The following EHBP1 variants were observed in gnomAD, a reference collection of about 807,000 sequenced individuals.
The protein encoded by EHBP1 is EH domain-binding protein 1.
EHBP1 carries 55 observed loss-of-function variants against 144.0 expected under a neutral mutation model. The observed-to-expected ratio is 0.38, with a 90% CI of 0.31 to 0.48. The LOEUF is 0.48. Among genes scored for constraint, EHBP1 ranks in the 20% least tolerant of loss-of-function variants. The pLI is 0.98. For synonymous variants in EHBP1, 469 were observed against 472.7 expected, an observed-to-expected ratio of 0.99 and a Z score of 0.10; for missense variants, 1,200 against 1,364.2, an observed-to-expected ratio of 0.88 and a Z score of 1.90.
Position 62,864,734 on chromosome 2 carries a change from C to T in EHBP1, c.761C>T (p.Pro254Leu). The stretch of plus-strand genomic sequence containing the variant: ...TTCATCTGCTATTATTTTATAGAAC[C>T]TATCACTGAAACAGCTTCACCTAGA... The part of the protein sequence containing the change: ...NPFGDPDSEE[P>L]ITETASPRKT... Residue 254 changes from proline (P) to leucine (L), a missense_variant, in exon 9 of 23, where the codon CCT (proline) becomes CTT (leucine). By Grantham distance (98) the Pro-to-Leu change is moderately conservative. Transcript: ENST00000431489. 6.2e-7 allele frequency: 1 copy of T among 1,607,868 alleles called. No homozygotes were observed. The highest frequency in any genetic ancestry group is 1.3e-5 in the African/African-American group (1 of 74,518).
chr2:62,726,361 G>A (rs1219892685), intron 2 of EHBP1, among the ~76,000 whole-genome samples: 7 of 152,204 alleles, frequency 4.6e-5, no homozygotes, highest in African/African-American at 1.7e-4. Context: ...ATCCTTGGAG[G>A]CCTGGAATGA....
At chr2:62,817,172 A>G (rs865920144) in intron 5 of EHBP1, among the ~76,000 whole-genome samples, 1 of 152,202 alleles carries the variant, frequency 6.6e-6, no homozygotes, top group Non-Finnish European at 1.5e-5. Flanking sequence ...AGTGGTGAGC[A>G]AGTAAACAGT....
At chr2:62,761,009 A>G (rs902236990) in intron 3 of EHBP1, among the ~76,000 whole-genome samples, 1 of 152,208 alleles carries the variant, frequency 6.6e-6, no homozygotes, top group Non-Finnish European at 1.5e-5. Flanking sequence ...TGGAACAACT[A>G]TGAAAATTTA....
intron 5 of EHBP1, among the ~76,000 whole-genome samples, chr2:62,797,666 G>C (rs1298453829): frequency 1.3e-5 from 2 of 152,138 alleles, no homozygotes; most frequent in African/African-American, 4.8e-5. Flanking sequence ...CCAGGCATGA[G>C]CTCTTTTGGG....
Position 62,864,768 on chromosome 2 carries a change from A to C in EHBP1, c.795A>C (p.Glu265Asp), listed in dbSNP as rs1321447010. ...ITETASPRKT[E>D]DSFYNNSYNP... Reference sequence around the variant, plus strand: ...AAACAGCTTCACCTAGAAAAACAGAAGACTCTTTTTATAATAACAGCTATA... The same window carrying C: ...AAACAGCTTCACCTAGAAAAACAGACGACTCTTTTTATAATAACAGCTATA... The change falls in exon 9 of 23, where the codon GAA becomes GAC. Residue 265 changes from glutamate to aspartate, a missense_variant. Glu to Asp is a conservative substitution (Grantham distance 45). This residue lies in a region of EHBP1 where 266 missense variants were observed against 262.4 expected (regional missense o/e 1.01). Coordinates refer to ENST00000431489, the MANE Select transcript of EHBP1 (RefSeq NM_001142616.3). 1 of 1,612,872 alleles carries C rather than the reference A, an allele frequency of 6.2e-7. No individual in the cohort carries two copies. Among genetic ancestry groups the C allele is most frequent in the Non-Finnish European group, 8.5e-7 (1 of 1,179,520 alleles).
At chr2:62,921,519 T>A (rs2055081974) in intron 10 of EHBP1, among the ~76,000 whole-genome samples, 1 of 145,474 alleles carries the variant, frequency 6.9e-6, no homozygotes, top group African/African-American at 2.5e-5. Flanking sequence ...CTAAAGGAAA[T>A]GAGAAAGAAA....
At chr2:62,791,816 G>C (rs1287122486) in intron 5 of EHBP1, among the ~76,000 whole-genome samples, 1 of 151,868 alleles carries the variant, frequency 6.6e-6, no homozygotes, top group East Asian at 1.9e-4. Context: ...ATTTAGTCAA[G>C]AATACTGCCC....
At chr2:62,757,512 C>T (rs1162861036) in intron 3 of EHBP1, among the ~76,000 whole-genome samples, 9 of 148,046 alleles carry the variant, frequency 6.1e-5, no homozygotes, top group African/African-American at 2.3e-4. Flanking sequence ...CGGCGCACTG[C>T]AACCTCCGCT....
intron 5 of EHBP1, among the ~76,000 whole-genome samples, chr2:62,793,126 G>T: frequency 6.6e-6 from 1 of 151,652 alleles, no homozygotes. Context: ...TTGCATTTAG[G>T]GTAGATTAAG....
chr2:63,020,476 C>G lies in EHBP1; in HGVS notation c.3104-17059C>G, dbSNP rs1256175909. 2.0e-5 allele frequency among the ~76,000 whole-genome samples: 3 copies of G among 149,532 alleles called. No homozygotes were observed. In the South Asian group the frequency reaches 6.4e-4, roughly 32 times the overall value. On this transcript the variant is annotated intron_variant, in intron 19 of 22. Coordinates refer to ENST00000431489, the MANE Select transcript of EHBP1 (RefSeq NM_001142616.3). ...CGAGATTGTACCACTGCACTCAAGCCTGCACAACAGAATGAGACTACATCT... is the reference window on the plus strand; with the variant it reads ...CGAGATTGTACCACTGCACTCAAGCGTGCACAACAGAATGAGACTACATCT...
intron 19 of EHBP1, among the ~76,000 whole-genome samples, chr2:63,029,694 A>G (rs1194823632): frequency 6.6e-6 from 1 of 152,136 alleles, no homozygotes; most frequent in Non-Finnish European, 1.5e-5. Flanking sequence ...TCTGAGATCA[A>G]GGGGCTCAAT....
chr2:62,678,119 T>G (rs2151723084), intron 1 of EHBP1, among the ~76,000 whole-genome samples: 1 of 152,336 alleles, frequency 6.6e-6, no homozygotes, highest in East Asian at 1.9e-4. Flanking sequence ...CGTTCCCTTT[T>G]CTCCACATCC....
intron 14 of EHBP1, among the ~76,000 whole-genome samples, chr2:62,970,126 A>G (rs1322959130): frequency 2.7e-5 from 4 of 150,680 alleles, no homozygotes; most frequent in Non-Finnish European, 5.9e-5. Flanking sequence ...CTGAATGCCT[A>G]ATAACAGAGT....
chr2:62,683,714 A>G (rs1359519419), intron 1 of EHBP1, among the ~76,000 whole-genome samples: 2 of 151,400 alleles, frequency 1.3e-5, no homozygotes, highest in Non-Finnish European at 1.5e-5. Flanking sequence ...CCTAAACTAC[A>G]CAGAAAGTGG....
chr2:62,841,526 C>G (rs1178974500), intron 7 of EHBP1, among the ~76,000 whole-genome samples: 3 of 152,142 alleles, frequency 2.0e-5, no homozygotes, highest in Admixed American at 6.5e-5. Context: ...AATTTATTGA[C>G]TCTCTTCTTG....
At chr2:63,041,414 TG>T (rs558213731) in intron 21 of EHBP1, among the ~76,000 whole-genome samples, 89 of 152,308 alleles carry the variant, frequency 5.8e-4, no homozygotes, top group Non-Finnish European at 4.1e-4. Flanking sequence ...GAAAGTGGTA[TG>T]TTCATTTTCT....
intron 2 of EHBP1, among the ~76,000 whole-genome samples, chr2:62,722,818 G>T (rs558527228): frequency 6.6e-6 from 1 of 152,200 alleles, no homozygotes; most frequent in Admixed American, 6.5e-5. Context: ...GTGAAGCTGT[G>T]TATTCTCTGC....
At chr2:62,790,730 G>T (rs1185597955) in intron 5 of EHBP1, among the ~76,000 whole-genome samples, 3 of 152,028 alleles carry the variant, frequency 2.0e-5, no homozygotes, top group African/African-American at 4.8e-5. Flanking sequence ...TTTTGGCTTT[G>T]CAGACAAGTT....
chr2:62,976,108 A>T (rs2153188344), intron 14 of EHBP1, among the ~76,000 whole-genome samples: 1 of 152,252 alleles, frequency 6.6e-6, no homozygotes, highest in Middle Eastern at 3.4e-3. Flanking sequence ...TGTTTTGAAT[A>T]TCATATTGGA....
Sources: gnomAD v4.1 joint callset for allele counts (sites outside exome capture counted in the v4.1 genomes callset) on GRCh38, gnomAD v4.1.1 for gene constraint, gnomAD v4.1.1 regional missense constraint, MANE v1.5 for transcripts, NCBI Gene and HGNC (gene_info 2026-07-23, HGNC 2026-07-21) for gene names.